Variants in NBPF20 observed in about 807,000 individuals in gnomAD.
The protein encoded by NBPF20 is NBPF family member NBPF20.
In NBPF20, 90 loss-of-function variants were observed where a neutral mutation model predicts 68.1. The observed-to-expected ratio is 1.32, with a 90% CI of 1.11 to 1.58. The LOEUF (loss-of-function observed/expected upper bound fraction) is 1.58. Among genes scored for constraint, NBPF20 ranks in the 40% most tolerant of loss-of-function variants. The pLI is 0.00. For synonymous variants in NBPF20, 290 were observed against 228.1 expected (o/e 1.27, Z -2.45); for missense variants, 816 against 601.2 (o/e 1.36, Z -3.74).
exon 137 of NBPF20, chr1:145,292,440 C>T: frequency 1.4e-6 from 1 of 709,890 alleles, no homozygotes; most frequent in Non-Finnish European, 2.5e-6. Context: ...TTCTTTTCTT[C>T]TTTGATCTTC....
chr1:145,292,260 T>A (rs1443200393), intron 137 of NBPF20, 121 bp downstream of exon 142: 1 of 618,646 alleles, frequency 1.6e-6, no homozygotes, highest in East Asian at 2.7e-5. Context: ...CCAACAGCAA[T>A]GACAGTAGGA....
chr1:145,416,039 G>T, the NBPF20 span, among the ~76,000 whole-genome samples: 1 of 150,706 alleles, frequency 6.6e-6, no homozygotes, highest in African/African-American at 2.4e-5. Flanking sequence ...GCTGAGGCAG[G>T]AGAATCACTT....
At chr1:145,290,272 T>G (rs1204703054) in exon 138 of NBPF20, 1 of 149,128 alleles carries the variant, frequency 6.7e-6, no homozygotes, top group Non-Finnish European at 1.5e-5. Flanking sequence ...TCCCAAGTAC[T>G]TCTTCATTAT....
upstream of NBPF20, among the ~76,000 whole-genome samples, chr1:145,408,442 C>A (rs587606530): frequency 6.6e-6 from 1 of 152,082 alleles, no homozygotes; most frequent in South Asian, 2.1e-4. Flanking sequence ...CATATGTGGG[C>A]ATATTGTTTG....
At chr1:145,398,520 T>G (rs1200486775) in intron 7 of NBPF20, among the ~76,000 whole-genome samples, 12 of 152,224 alleles carry the variant, frequency 7.9e-5, no homozygotes, top group South Asian at 2.1e-4. Flanking sequence ...AGATGTTCTT[T>G]GAAACCAATG....
In NBPF20 at chr1:145,291,808, A is replaced by T. The variant is rs1553657807; in HGVS notation, c.16698-39T>A. 7.4e-6 allele frequency: 12 copies of T among 1,611,984 alleles called. 1 individual carries two copies. The highest frequency in any genetic ancestry group is 4.5e-5 in the East Asian group (2 of 44,882). On this transcript the variant is annotated intron_variant, in intron 137 of 137. Transcript: ENST00000369373. ...CAAAACTAAAGAAGCAGCCAGGGAA[A>T]ATCAGAAACCACAGAGCCCCACTAG...
the NBPF20 span, among the ~76,000 whole-genome samples, chr1:145,419,596 G>C: frequency 6.6e-6 from 1 of 152,030 alleles, no homozygotes; most frequent in Non-Finnish European, 1.5e-5. Context: ...TCAGCCCCTG[G>C]GTCTGACATC....
upstream of NBPF20, chr1:145,408,009 G>T: frequency 5.6e-6 from 1 of 179,504 alleles, no homozygotes. Flanking sequence ...ATTGACCACG[G>T]ATCTTCGTAT....
chr1:145,397,560 G>T (rs1310995134), intron 7 of NBPF20, among the ~76,000 whole-genome samples: 1 of 152,186 alleles, frequency 6.6e-6, no homozygotes, highest in African/African-American at 2.4e-5. Context: ...CACCAGGCCT[G>T]CCTTACAAGA....
upstream of NBPF20, among the ~76,000 whole-genome samples, chr1:145,410,259 C>G (rs1553668670): frequency 6.6e-6 from 1 of 151,736 alleles, no homozygotes; most frequent in African/African-American, 2.4e-5. Flanking sequence ...GATTGATCTC[C>G]CTGATGACTA....
intron 8 of NBPF20, among the ~76,000 whole-genome samples, chr1:145,394,777 G>C (rs1162304013): frequency 6.6e-6 from 1 of 152,146 alleles, no homozygotes. Context: ...CCTGAGACTA[G>C]GAAGAGAGCA....
At chr1:145,291,601 C>T (rs781886628) in exon 138 of NBPF20, 2 of 1,611,790 alleles carry the variant, frequency 1.2e-6, no homozygotes, top group Non-Finnish European at 1.7e-6. Context: ...ACCTATTGTC[C>T]ACGTAAAGGG....
chr1:145,406,085 A>ATTTTTTTTTT (rs587699811), upstream of NBPF20, among the ~76,000 whole-genome samples: 399 of 117,570 alleles, frequency 3.4e-3, no homozygotes, highest in African/African-American at 6.0e-3. Flanking sequence ...CGCCCGGCTA[A>ATTTTTTTTTT]TTTTTTTTTT....
chr1:145,425,386 G>C, the NBPF20 span, among the ~76,000 whole-genome samples: 1 of 152,040 alleles, frequency 6.6e-6, no homozygotes, highest in African/African-American at 2.4e-5. Flanking sequence ...GCTGTAAACC[G>C]TAACTTCCCA....
chr1:145,394,297 A>T (rs1558972915), intron 8 of NBPF20, among the ~76,000 whole-genome samples: 1 of 151,558 alleles, frequency 6.6e-6, no homozygotes, highest in East Asian at 1.9e-4. Flanking sequence ...CCAGAATTTG[A>T]TAGTTTATGA....
chr1:145,403,323 G>T lies in NBPF20; in HGVS notation c.176-5C>A. The T allele has an allele frequency of 6.2e-7, 1 of 1,600,082 alleles. No individual in the cohort carries two copies. The highest frequency in any genetic ancestry group is 8.6e-7 in the Non-Finnish European group (1 of 1,169,494). On this transcript the variant is annotated splice_polypyrimidine_tract_variant and splice_region_variant and intron_variant, in intron 2 of 137. Coordinates refer to ENST00000369373, the Ensembl canonical transcript of NBPF20. ...GGTCTTTGCACTCTTCATATTCTGA[G>T]AAAAGACAGACACGCCTGCCTCAGT...
At chr1:145,393,390 T>A (rs1662014397) in intron 9 of NBPF20, 144 bp from the exon 15 acceptor site, 3 of 715,886 alleles carry the variant, frequency 4.2e-6, no homozygotes, top group South Asian at 1.5e-5. Flanking sequence ...ATTGCCTTTA[T>A]GTTGGGATAG....
upstream of NBPF20, among the ~76,000 whole-genome samples, chr1:145,410,269 A>C (rs1250127938): frequency 6.6e-6 from 1 of 151,468 alleles, no homozygotes; most frequent in Admixed American, 6.6e-5. Flanking sequence ...CCTGATGACT[A>C]AACAGTGGAG....
chr1:145,340,873 A>G, exon 76 of NBPF20: 1 of 155,280 alleles, frequency 6.4e-6, no homozygotes, highest in African/African-American at 1.6e-4. Flanking sequence ...AAGGAGTTGA[A>G]TAACTTCTAT....
Sources: allele counts gnomAD v4.1 joint callset (sites outside exome capture counted in the v4.1 genomes callset), GRCh38; gene constraint gnomAD v4.1.1; transcripts MANE v1.5; gene names NCBI Gene and HGNC (gene_info 2026-07-23, HGNC 2026-07-21).